MGAM2: variants seen among roughly 807,000 people sequenced by gnomAD.
The protein encoded by MGAM2 is maltase-glucoamylase 2 (putative).
MGAM2 carries 98 observed loss-of-function variants against 96.1 expected under a neutral mutation model. The observed-to-expected ratio is 1.02, with a 90% CI of 0.87 to 1.21. MGAM2 has a LOEUF of 1.21. Ranked by LOEUF, MGAM2 falls within the 50% of genes most tolerant of loss-of-function variation. The probability of loss-of-function intolerance (pLI) is 0.00; values close to 1 mark genes in which losing one functional copy is unlikely to be tolerated. For missense variants in MGAM2, 2,055 were observed against 1,182.4 expected (o/e 1.74, Z -10.82); for synonymous variants, 749 against 414.8 (o/e 1.81, Z -9.79).
At chr7:142,117,319 A>G (rs1373704202) in intron 2 of MGAM2, among the ~76,000 whole-genome samples, 3 of 152,086 alleles carry the variant, frequency 2.0e-5, no homozygotes, top group Non-Finnish European at 4.4e-5. Flanking sequence ...GCCCAGCCCC[A>G]TTATATTATG....
intron 30 of MGAM2, among the ~76,000 whole-genome samples, 178 bp from the exon 31 acceptor site, chr7:142,173,051 A>T (rs1192408298): frequency 6.6e-6 from 1 of 152,180 alleles, no homozygotes; most frequent in Admixed American, 6.6e-5. Flanking sequence ...AACTTCAATT[A>T]CGTTTCTATC....
At chr7:142,213,349 C>T (rs139148119) in intron 46 of MGAM2, among the ~76,000 whole-genome samples, 29 of 151,854 alleles carry the variant, frequency 1.9e-4, no homozygotes, top group African/African-American at 6.0e-4. Flanking sequence ...GAGAGAGACA[C>T]GAAATACCCT....
chr7:142,173,238 C>A lies in MGAM2; in HGVS notation c.3571C>A (p.Arg1191=), dbSNP rs934664203. ...VTQQYTELIG[R]PAMIPYWALG... ...TTTCTTTTTATTCTAGTTGATTGGT[C>A]GGCCAGCAATGATTCCATACTGGGC... The change falls in exon 31 of 48, where the codon CGG becomes AGG. Residue 1191 remains arginine, a synonymous_variant. Coordinates refer to ENST00000477922, the MANE Select transcript of MGAM2 (RefSeq NM_001293626.2). 8.5e-6 allele frequency: 6 copies of A among 702,750 alleles called. No homozygotes were observed. The highest frequency in any genetic ancestry group is 1.3e-5 in the Non-Finnish European group (5 of 384,836). The allele number at this position is 702,750 out of a possible 1,614,324, so 43.5% of individuals were successfully genotyped here.
chr7:142,149,661 C>T (rs1164137747), intron 15 of MGAM2, among the ~76,000 whole-genome samples: 1 of 151,926 alleles, frequency 6.6e-6, no homozygotes, highest in Non-Finnish European at 1.5e-5. Flanking sequence ...CTGCCTCAGC[C>T]TCCCAAGTAG....
At chr7:142,168,937 G>A (rs1796110450) in intron 26 of MGAM2, among the ~76,000 whole-genome samples, 1 of 152,154 alleles carries the variant, frequency 6.6e-6, no homozygotes, top group South Asian at 2.1e-4. Flanking sequence ...GTGGCTTGTG[G>A]ACAGCACCTT....
At position 142,129,958 on chromosome 7, in the gene MGAM2, T is replaced by G. The variant is rs571046666; in HGVS notation, c.187-990T>G. On this transcript the variant is annotated intron_variant, in intron 3 of 47. Transcript: ENST00000477922. ...TTTGTAATTTTTTTCTTAAAATCAT[T>G]TCTGTCATTTCATGTAAATTTAGTT... Among the ~76,000 whole-genome samples the G allele has an allele frequency of 2.0e-5, 3 of 152,000 alleles. No homozygotes were observed. The South Asian group carries it at 6.2e-4, about 32-fold the overall frequency.
At chr7:142,206,783 A>C (rs1797414514) in intron 45 of MGAM2, among the ~76,000 whole-genome samples, 1 of 152,222 alleles carries the variant, frequency 6.6e-6, no homozygotes, top group African/African-American at 2.4e-5. Context: ...AATTCAGACT[A>C]CTAAGATACA....
At chr7:142,137,705 T>C (rs1795100709) in intron 9 of MGAM2, among the ~76,000 whole-genome samples, 160 bp downstream of exon 9, 1 of 152,196 alleles carries the variant, frequency 6.6e-6, no homozygotes, top group African/African-American at 2.4e-5. Context: ...TGATGACCTT[T>C]ATTGGGTGCT....
rs994171333 is a variant in MGAM2 at position 142,120,395 on chromosome 7, G to A, written c.186+14G>A. 1 of 702,686 alleles carries A rather than the reference G, an allele frequency of 1.4e-6. No individual in the cohort carries two copies. The highest frequency in any genetic ancestry group is 2.6e-6 in the Non-Finnish European group (1 of 384,824). 43.5% of individuals were successfully genotyped at this position (702,686 alleles called of 1,614,324 possible). Reference sequence around the variant, plus strand: ...GAGGTGACCGAGGTCAGAGAAATAAGGTCCCTTTTGGTGGCCTACAGGGTG... The same window carrying A: ...GAGGTGACCGAGGTCAGAGAAATAAAGTCCCTTTTGGTGGCCTACAGGGTG... On this transcript the variant is annotated intron_variant, in intron 3 of 47. Coordinates refer to ENST00000477922, the MANE Select transcript of MGAM2 (RefSeq NM_001293626.2).
In MGAM2 at chr7:142,161,996, G is replaced by A. The variant is rs567033045; in HGVS notation, c.2476G>A (p.Val826Ile). ...GAAGTATATTCTATATGATTTCTCT[G>A]TTACCTCTGTAAGTATTTTGTTTGA... ...EKKYILYDFS[V>I]TSNHLQAKII... Residue 826 changes from valine to isoleucine, a missense_variant, in exon 23 of 48, where the codon GTT becomes ATT. By Grantham distance (29) the Val-to-Ile change is conservative. Coordinates refer to ENST00000477922, the MANE Select transcript of MGAM2 (RefSeq NM_001293626.2). The A allele has an allele frequency of 1.9e-5, 13 of 693,354 alleles. 1 individual carries two copies. In the South Asian group the frequency reaches 2.0e-4, roughly 11 times the overall value. 43.0% of individuals were successfully genotyped at this position (693,354 alleles called of 1,614,324 possible).
chr7:142,150,985 T>A lies in MGAM2; in HGVS notation c.1635-3033T>A, dbSNP rs535283003. Among the ~76,000 whole-genome samples the A allele has an allele frequency of 1.3e-3, 195 of 152,360 alleles. 1 individual carries two copies. Among genetic ancestry groups the A allele is most frequent in the Non-Finnish European group, 2.0e-3 (138 of 68,038 alleles). ...TATAAAACCTCATCTCCAATCTCAA[T>A]GCTGGGAACTTTCCTGACAGTTCTA... On this transcript the variant is annotated intron_variant, in intron 15 of 47. Transcript: ENST00000477922.
intron 37 of MGAM2, among the ~76,000 whole-genome samples, chr7:142,191,821 CA>C (rs1382525879): frequency 1.3e-5 from 2 of 152,084 alleles, no homozygotes; most frequent in African/African-American, 2.4e-5. Flanking sequence ...ACCATGTTAA[CA>C]ATATTAAGTC....
chr7:142,184,680 G>T (rs972067582), intron 33 of MGAM2, among the ~76,000 whole-genome samples: 1 of 152,168 alleles, frequency 6.6e-6, no homozygotes, highest in Non-Finnish European at 1.5e-5. Flanking sequence ...GTGCTTAAAA[G>T]TATTGAGGTG....
chr7:142,141,186 T>G (rs184188769), intron 12 of MGAM2, 67 bp downstream of exon 12: 90 of 671,716 alleles, frequency 1.3e-4, no homozygotes, highest in African/African-American at 1.2e-3. Context: ...GGTACGAAGA[T>G]GAGTGAAAGG....
At chr7:142,197,078 C>T (rs1378559189) in intron 40 of MGAM2, among the ~76,000 whole-genome samples, 1 of 152,118 alleles carries the variant, frequency 6.6e-6, no homozygotes, top group Admixed American at 6.5e-5. Flanking sequence ...AAGAAGATCC[C>T]TTTGCTTTTA....
intron 19 of MGAM2, 147 bp downstream of exon 19, chr7:142,158,479 A>T: frequency 1.7e-6 from 1 of 586,868 alleles, no homozygotes; most frequent in Non-Finnish European, 3.0e-6. Flanking sequence ...GAAATTTTTT[A>T]AAAAGTAGTA....
rs780140104 is a variant in MGAM2 at position 142,220,987 on chromosome 7, C to T, written c.6476C>T (p.Ala2159Val). Residue 2159 changes from alanine to valine, a missense_variant, in exon 48 of 48, where the codon GCT (alanine) becomes GTT (valine). Transcript: ENST00000477922. Reference sequence around the variant, plus strand: ...AATGCTAGCACTAGTACTAATGTTGCTAATATAACTGCTACCTCTCATACA... The same window carrying T: ...AATGCTAGCACTAGTACTAATGTTGTTAATATAACTGCTACCTCTCATACA... The part of the protein sequence containing the change: ...TTNASTSTNV[A>V]NITATSHTST... The T allele has an allele frequency of 7.1e-6, 5 of 702,126 alleles. No individual in the cohort carries two copies. The highest frequency in any genetic ancestry group is 5.9e-5 in the South Asian group (4 of 67,556). The allele number at this position is 702,126 out of a possible 1,614,324, so 43.5% of individuals were successfully genotyped here.
Position 142,175,693 on chromosome 7 carries a change from G to A in MGAM2, c.3729G>A (p.Leu1243=), listed in dbSNP as rs1796353847. Residue 1243 remains leucine (L), a synonymous_variant, in exon 32 of 48, where the codon CTG becomes CTA. Coordinates refer to ENST00000477922, the MANE Select transcript of MGAM2 (RefSeq NM_001293626.2). The part of the protein sequence containing the change: ...HVDIDYMNRK[L]DFTLSANFQN... ...ACATCGATTACATGAACCGGAAGCT[G>A]GATTTCACCCTCAGTGCCAACTTTC... 1 of 702,708 alleles carries A rather than the reference G, an allele frequency of 1.4e-6. No individual in the cohort carries two copies. The highest frequency in any genetic ancestry group is 2.0e-5 in the Admixed American group (1 of 49,980). 43.5% of individuals were successfully genotyped at this position (702,708 alleles called of 1,614,324 possible).
At chr7:142,116,748 A>G (rs542204393) in intron 1 of MGAM2, 126 bp from the exon 2 acceptor site, 21 of 648,662 alleles carry the variant, frequency 3.2e-5, no homozygotes, top group Non-Finnish European at 5.0e-5. Flanking sequence ...TAGATTATGT[A>G]AAGAGGATGC....
Sources: gnomAD v4.1 joint callset for allele counts (sites outside exome capture counted in the v4.1 genomes callset) on GRCh38, gnomAD v4.1.1 for gene constraint, MANE v1.5 for transcripts, NCBI Gene and HGNC (gene_info 2026-07-23, HGNC 2026-07-21) for gene names.